The following APAF1 variants were observed in gnomAD, a reference collection of about 807,000 sequenced individuals.
The protein encoded by APAF1 is apoptotic peptidase activating factor 1.
Under a neutral mutation model 152.4 loss-of-function variants are expected in APAF1, and 91 were observed. The observed-to-expected ratio is 0.60, with a 90% CI of 0.50 to 0.71. APAF1 has a LOEUF of 0.71. Ranked by LOEUF, APAF1 falls within the 30% of genes least tolerant of loss-of-function variation. APAF1 has a pLI of 0.00. For synonymous variants in APAF1, 484 were observed against 494.1 expected (o/e 0.98, Z 0.27); for missense variants, 1,283 against 1,472.0 (o/e 0.87, Z 2.10).
At chr12:98,706,675 A>C (rs554951984) in intron 19 of APAF1, 65 bp downstream of exon 19, 3 of 1,589,398 alleles carry the variant, frequency 1.9e-6, no homozygotes, top group Non-Finnish European at 2.6e-6. Context: ...CCTACAAACT[A>C]AGAAATTGAT....
chr12:98,691,351 A>G (rs2153329424), intron 16 of APAF1, among the ~76,000 whole-genome samples: 2 of 152,140 alleles, frequency 1.3e-5, no homozygotes, highest in Middle Eastern at 3.4e-3. Context: ...CAGCTTACAA[A>G]TGTTCTTGGG....
chr12:98,688,457 C>G (rs1377891780), intron 16 of APAF1, among the ~76,000 whole-genome samples: 1 of 144,816 alleles, frequency 6.9e-6, no homozygotes, highest in Non-Finnish European at 1.5e-5. Flanking sequence ...AACCTTCTAC[C>G]ACTGTTTTCT....
intron 6 of APAF1, 22 bp from the exon 7 acceptor site, chr12:98,662,653 G>A (rs769427886): frequency 5.6e-6 from 9 of 1,612,408 alleles, no homozygotes; most frequent in Non-Finnish European, 8.5e-7. Flanking sequence ...TACTTACTTT[G>A]TCTTGTGATT....
Position 98,708,462 on chromosome 12 carries a change from A to C in APAF1, c.2722-123A>C, listed in dbSNP as rs1424286725. On this transcript the variant is annotated intron_variant, in intron 19 of 26. Coordinates refer to ENST00000551964, the MANE Select transcript of APAF1 (RefSeq NM_181861.2). ...AGTAAATATTTATTTTTGGATTATA[A>C]TCTAATATTGAAACCTTTCTAGCAT... 9 of 974,774 alleles carry C rather than the reference A, an allele frequency of 9.2e-6. No homozygotes were observed. In the East Asian group the frequency reaches 2.3e-4, roughly 25 times the overall value. 60.4% of individuals were successfully genotyped at this position (974,774 alleles called of 1,614,324 possible).
chr12:98,689,934 A>C (rs1216963012), intron 16 of APAF1, among the ~76,000 whole-genome samples: 1 of 152,126 alleles, frequency 6.6e-6, no homozygotes, highest in East Asian at 1.9e-4. Flanking sequence ...GATTAGGTTG[A>C]ATATAGGTTT....
intron 17 of APAF1, among the ~76,000 whole-genome samples, chr12:98,700,992 TG>T (rs1475704769): frequency 2.0e-5 from 3 of 151,764 alleles, no homozygotes; most frequent in Non-Finnish European, 4.4e-5. Flanking sequence ...ATTTTTTCTT[TG>T]TTTTTTTTTT....
At chr12:98,654,816 C>CTTTTTTTTTTTTTTTTT (rs758991431) in intron 4 of APAF1, among the ~76,000 whole-genome samples, 3 of 116,784 alleles carry the variant, frequency 2.6e-5, no homozygotes, top group Non-Finnish European at 3.5e-5. Flanking sequence ...GTAGTATTTT[C>CTTTTTTTTTTTTTTTTT]TTTTTTTTTT....
At chr12:98,656,941 C>T (rs570883168) in intron 4 of APAF1, among the ~76,000 whole-genome samples, 1 of 152,278 alleles carries the variant, frequency 6.6e-6, no homozygotes, top group East Asian at 1.9e-4. Flanking sequence ...GATTGGAGTT[C>T]GTAGATTATA....
At chr12:98,664,802 T>C (rs1465924801) in intron 7 of APAF1, among the ~76,000 whole-genome samples, 2 of 150,194 alleles carry the variant, frequency 1.3e-5, no homozygotes, top group Middle Eastern at 3.4e-3. Context: ...CCTGAAGTGC[T>C]AGGACTACAG....
rs1319824572 is a variant in APAF1, at chr12:98,671,201, C to G, written c.1608+115C>G. 4.0e-6 allele frequency: 3 copies of G among 740,882 alleles called. No homozygotes were observed. The South Asian group carries it at 5.3e-5, about 13-fold the overall frequency. 45.9% of individuals were successfully genotyped at this position (740,882 alleles called of 1,614,324 possible). ...AATAGAAGGGGTGAAGATAATTTCC[C>G]TCCTTTGATTTTTGGTTATTCTAAT... On this transcript the variant is annotated intron_variant, in intron 11 of 26. Transcript: ENST00000551964.
Position 98,666,214 on chromosome 12 carries a change from G to C in APAF1, c.1219G>C (p.Glu407Gln), listed in dbSNP as rs1295941185. The change falls in exon 9 of 27, where the codon GAA becomes CAA. Residue 407 changes from glutamate (E) to glutamine (Q), a missense_variant. Coordinates refer to ENST00000551964, the MANE Select transcript of APAF1 (RefSeq NM_181861.2). ...GGTGTTATGTATTCTCTGGGACATG[G>C]AAACTGAAGAAGTTGAAGACATACT... ...TKVLCILWDM[E>Q]TEEVEDILQE... is the part of the protein sequence containing the mutation. 2 of 1,613,846 alleles carry C rather than the reference G, an allele frequency of 1.2e-6. No individual in the cohort carries two copies. The highest frequency in any genetic ancestry group is 1.7e-6 in the Non-Finnish European group (2 of 1,179,936).
At chr12:98,669,858 C>A (rs919651759) in intron 10 of APAF1, among the ~76,000 whole-genome samples, 2 of 151,734 alleles carry the variant, frequency 1.3e-5, no homozygotes, top group African/African-American at 4.8e-5. Flanking sequence ...TAATCACCTC[C>A]TCTCCTCTCC....
chr12:98,683,936 G>A (rs1461551227), intron 15 of APAF1, among the ~76,000 whole-genome samples: 5 of 152,212 alleles, frequency 3.3e-5, no homozygotes, highest in Non-Finnish European at 5.9e-5. Flanking sequence ...GCTTTGTAAT[G>A]TTTGATTGTA....
chr12:98,677,568 G>T lies in APAF1; in HGVS notation c.1920+17G>T. 6.2e-7 allele frequency: 1 copy of T among 1,614,040 alleles called. No individual in the cohort carries two copies. Among genetic ancestry groups the T allele is most frequent in the Non-Finnish European group, 8.5e-7 (1 of 1,179,988 alleles). On this transcript the variant is annotated intron_variant, in intron 13 of 26. Transcript: ENST00000551964. ...ACCTTACAGGTAAAACACATCTCTT[G>T]AGAAAAATGCAAAGAGGCATGTATC...
intron 17 of APAF1, 82 bp from the exon 18 acceptor site, chr12:98,703,289 T>C: frequency 6.7e-7 from 1 of 1,502,668 alleles, no homozygotes; most frequent in Non-Finnish European, 9.2e-7. Flanking sequence ...TTTCAGGACT[T>C]ATATTTGAAA....
chr12:98,708,003 A>G (rs773561445), intron 19 of APAF1, among the ~76,000 whole-genome samples: 2 of 152,058 alleles, frequency 1.3e-5, no homozygotes, highest in Non-Finnish European at 2.9e-5. Flanking sequence ...CTGGAGTGCA[A>G]TGGCACTATC....
chr12:98,687,970 C>T (rs771292389), intron 16 of APAF1, among the ~76,000 whole-genome samples: 7 of 152,106 alleles, frequency 4.6e-5, no homozygotes, highest in Non-Finnish European at 1.0e-4. Flanking sequence ...TGCCACCAAG[C>T]CTGGCTAATT....
intron 23 of APAF1, 95 bp from the exon 24 acceptor site, chr12:98,723,544 T>C: frequency 8.0e-7 from 1 of 1,243,608 alleles, no homozygotes; most frequent in South Asian, 1.3e-5. Flanking sequence ...ATTAAAACTC[T>C]TGTTTTATAG....
rs1377417508 is a variant in APAF1, at chr12:98,723,196, T to C, written c.3088T>C (p.Trp1030Arg). 3.7e-6 allele frequency: 6 copies of C among 1,613,254 alleles called. No individual in the cohort carries two copies. Among genetic ancestry groups the C allele is most frequent in the Non-Finnish European group, 5.1e-6 (6 of 1,179,476 alleles). The change falls in exon 23 of 27, where the codon TGG (tryptophan) becomes CGG (arginine). Residue 1030 changes from tryptophan (W) to arginine (R), a missense_variant. Coordinates refer to ENST00000551964, the MANE Select transcript of APAF1 (RefSeq NM_181861.2). ...GACTTATTTCTTTGATATTCAGGTATGGAATTGGCAATTGGACAAATGTAT... is the reference window on the plus strand; with the variant it reads ...GACTTATTTCTTTGATATTCAGGTACGGAATTGGCAATTGGACAAATGTAT... The part of the protein sequence containing the change: ...SSSDDAEIQV[W>R]NWQLDKCIFL...
Sources: allele counts gnomAD v4.1 joint callset (sites outside exome capture counted in the v4.1 genomes callset), GRCh38; gene constraint gnomAD v4.1.1; transcripts MANE v1.5; gene names NCBI Gene and HGNC (gene_info 2026-07-23, HGNC 2026-07-21).